Variants in DNAH5 observed in about 807,000 individuals in gnomAD.
DNAH5 encodes the protein dynein axonemal heavy chain 5.
A neutral mutation model predicts 518.2 loss-of-function variants in DNAH5; 372 were observed. The ratio of observed to expected loss-of-function variants is 0.72; its 90% CI spans 0.66 to 0.78. The LOEUF is 0.78. Among genes scored for constraint, DNAH5 ranks in the 30% least tolerant of loss-of-function variants. DNAH5 has a pLI of 0.00. For synonymous variants in DNAH5, 2,039 were observed against 2,025.9 expected (o/e 1.01, Z -0.17); for missense variants, 5,523 against 5,687.0 (o/e 0.97, Z 0.93).
chr5:13,871,053 C>T (rs771566557), intron 23 of DNAH5, 51 bp from the exon 24 acceptor site: 74 of 1,413,376 alleles, frequency 5.2e-5, no homozygotes, highest in African/African-American at 1.3e-4. Flanking sequence ...CGAATCAGTA[C>T]GAAAAGTCAA....
chr5:13,889,478 T>C (rs1029245882), intron 17 of DNAH5, among the ~76,000 whole-genome samples: 5 of 152,204 alleles, frequency 3.3e-5, no homozygotes, highest in African/African-American at 1.2e-4. Flanking sequence ...CCTTAGAAAG[T>C]CCTGCTTGGG....
chr5:13,755,442 CAGTTATGTTG>C (rs1417911086), intron 61 of DNAH5, among the ~76,000 whole-genome samples: 1 of 152,028 alleles, frequency 6.6e-6, no homozygotes, highest in Non-Finnish European at 1.5e-5. Flanking sequence ...TCTAAATTAT[CAGTTATGTTG>C]AGTTCAAAAT....
In DNAH5 at chr5:13,919,300, C is replaced by T. The variant is rs769557353; in HGVS notation, c.851G>A (p.Arg284Gln). ...LLKEADDVGPRAELEHWKKRL... is the reference protein window; with the variant it reads ...LLKEADDVGPQAELEHWKKRL... ...TTTTTTCCAGTGCTCCAGCTCCGCT[C>T]GTGGCCCAACGTCATCCGCTTCCTT... is the stretch of plus-strand genomic sequence containing the variant. The change falls in exon 7 of 79, where the codon CGA becomes CAA. Residue 284 changes from arginine to glutamine, a missense_variant. By Grantham distance (43) the Arg-to-Gln change is conservative. Transcript: ENST00000265104. The T allele has an allele frequency of 1.1e-5, 17 of 1,614,012 alleles. No homozygotes were observed. Among genetic ancestry groups the T allele is most frequent in the Non-Finnish European group, 1.4e-5 (17 of 1,180,018 alleles).
In DNAH5 at chr5:13,939,124, A is replaced by C. The variant is rs901221747; in HGVS notation, c.57+5258T>G. On this transcript the variant is annotated intron_variant, in intron 1 of 78. Coordinates refer to ENST00000265104, the MANE Select transcript of DNAH5 (RefSeq NM_001369.3). ...TACAGGAGTACCAGCTTTACAGGGA[A>C]GGGATGTTTTCCATTTTGATTTATT... 2.6e-5 allele frequency among the ~76,000 whole-genome samples: 4 copies of C among 152,324 alleles called. No homozygotes were observed. The East Asian group carries it at 7.7e-4, about 29-fold the overall frequency.
chr5:13,758,305 C>A (rs1403429202), intron 61 of DNAH5, among the ~76,000 whole-genome samples: 1 of 152,048 alleles, frequency 6.6e-6, no homozygotes, highest in South Asian at 2.1e-4. Flanking sequence ...GAGTTCGAGA[C>A]CAGCCTGGGC....
At chr5:13,974,698 C>T (rs985477584) in intron 1 of DNAH5, among the ~76,000 whole-genome samples, 1 of 152,182 alleles carries the variant, frequency 6.6e-6, no homozygotes, top group Non-Finnish European at 1.5e-5. Context: ...CCCTCTTTTC[C>T]TGGCTTTCTA....
At chr5:13,964,236 G>C (rs1475648486) in intron 1 of DNAH5, among the ~76,000 whole-genome samples, 1 of 152,026 alleles carries the variant, frequency 6.6e-6, no homozygotes, top group Non-Finnish European at 1.5e-5. Context: ...GACAGCCCAG[G>C]GTCACCTAGA....
At chr5:13,708,456 A>G (rs1272428679) in intron 75 of DNAH5, 121 bp from the exon 76 acceptor site, 1 of 885,278 alleles carries the variant, frequency 1.1e-6, no homozygotes, top group Non-Finnish European at 1.8e-6. Context: ...ATAAGCTTCT[A>G]ATTTATTGCA....
chr5:13,913,429 T>G (rs542644238), intron 11 of DNAH5, among the ~76,000 whole-genome samples: 8 of 152,226 alleles, frequency 5.3e-5, no homozygotes, highest in African/African-American at 1.9e-4. Context: ...AAATATTTCT[T>G]GCAAGAATAA....
chr5:13,706,408 C>A (rs953024183), intron 76 of DNAH5, among the ~76,000 whole-genome samples: 3 of 152,100 alleles, frequency 2.0e-5, no homozygotes, highest in African/African-American at 4.8e-5. Flanking sequence ...GGTGTGGAGT[C>A]CCCCAGACAA....
chr5:13,880,363 C>A (rs1021745827), intron 21 of DNAH5, among the ~76,000 whole-genome samples: 1 of 152,022 alleles, frequency 6.6e-6, no homozygotes, highest in Non-Finnish European at 1.5e-5. Flanking sequence ...AAATATAATA[C>A]CTCACTCATA....
chr5:13,877,016 A>G (rs916129955), intron 21 of DNAH5, among the ~76,000 whole-genome samples, 199 bp from the exon 22 acceptor site: 1 of 152,176 alleles, frequency 6.6e-6, no homozygotes, highest in Non-Finnish European at 1.5e-5. Flanking sequence ...CAATAATCCA[A>G]AAAGTGTTTA....
At position 13,876,765 on chromosome 5, in the gene DNAH5, G is replaced by T. The variant is rs144053917; in HGVS notation, c.3315C>A (p.Asn1105Lys). The T allele has an allele frequency of 2.2e-4, 359 of 1,613,644 alleles. No homozygotes were observed. The highest frequency in any genetic ancestry group is 5.4e-4 in the South Asian group (49 of 91,082). The change falls in exon 22 of 79, where the codon AAC becomes AAA. Residue 1105 changes from asparagine to lysine, a missense_variant. This residue lies in a region of DNAH5 where 5,121 missense variants were observed against 5,223.3 expected (regional missense o/e 0.98). Coordinates refer to ENST00000265104, the MANE Select transcript of DNAH5 (RefSeq NM_001369.3). ...VNLPIPVQTK[N>K]YYKNVSENKE... The stretch of plus-strand genomic sequence containing the variant: ...TGTTTTCAGAAACATTCTTATAATA[G>T]TTCTTGGTTTGCACGGGAATGGGTA...
chr5:13,941,251 A>T (rs1379271100), intron 1 of DNAH5, among the ~76,000 whole-genome samples: 1 of 152,184 alleles, frequency 6.6e-6, no homozygotes. Context: ...CCAGCTACTG[A>T]GGAGGCTGAG....
Position 13,701,284 on chromosome 5 carries a change from C to G in DNAH5, c.13491G>C (p.Gln4497His), listed in dbSNP as rs766797532. The G allele has an allele frequency of 1.2e-6, 2 of 1,613,966 alleles. No individual in the cohort carries two copies. Among genetic ancestry groups the G allele is most frequent in the Non-Finnish European group, 8.5e-7 (1 of 1,179,936 alleles). Reference sequence around the variant, plus strand: ...AACGGGTGCAAATCAGAGCTCTTACCTGTCGCATTGCAGTTAAAAATCCCT... The same window carrying G: ...AACGGGTGCAAATCAGAGCTCTTACGTGTCGCATTGCAGTTAAAAATCCCT... ...NPQGFLTAMR[Q>H]EITRANKGWA... The change falls in exon 77 of 79, where the codon CAG (glutamine) becomes CAC (histidine). Residue 4497 changes from glutamine (Q) to histidine (H), a missense_variant and splice_region_variant. Physicochemically the swap from Gln to His is conservative, Grantham distance 24. This residue lies in a region of DNAH5 where 387 missense variants were observed against 430.0 expected (regional missense o/e 0.90). Transcript: ENST00000265104.
At chr5:13,931,302 T>G in intron 1 of DNAH5, 58 bp from the exon 2 acceptor site, 1 of 1,606,634 alleles carries the variant, frequency 6.2e-7, no homozygotes. Flanking sequence ...TGGATTCATT[T>G]TGTAATAATT....
chr5:13,840,371 C>A (rs1269782328), intron 34 of DNAH5, among the ~76,000 whole-genome samples: 1 of 152,182 alleles, frequency 6.6e-6, no homozygotes, highest in African/African-American at 2.4e-5. Flanking sequence ...AGCTACACAA[C>A]TCTCTTTTCC....
chr5:13,747,134 C>T (rs1429186308), intron 65 of DNAH5, among the ~76,000 whole-genome samples: 3 of 151,472 alleles, frequency 2.0e-5, no homozygotes, highest in Non-Finnish European at 2.9e-5. Flanking sequence ...TGAGAACATG[C>T]GGTGTTTGGT....
intron 1 of DNAH5, among the ~76,000 whole-genome samples, chr5:13,942,341 T>C (rs766821015): frequency 6.6e-6 from 1 of 152,210 alleles, no homozygotes; most frequent in Admixed American, 6.5e-5. Context: ...TAAATATATA[T>C]GGACTTGTAG....
Sources: gnomAD v4.1 joint callset for allele counts (sites outside exome capture counted in the v4.1 genomes callset) on GRCh38, gnomAD v4.1.1 for gene constraint, gnomAD v4.1.1 regional missense constraint, MANE v1.5 for transcripts, NCBI Gene and HGNC (gene_info 2026-07-23, HGNC 2026-07-21) for gene names.